Variants in MAML3 observed in about 807,000 individuals in gnomAD.
MAML3 encodes mastermind like transcriptional coactivator 3, also known as mastermind-like protein 3.
MAML3 carries 27 observed loss-of-function variants against 101.9 expected under a neutral mutation model. The ratio of observed to expected loss-of-function variants is 0.27; its 90% confidence interval spans 0.20 to 0.37. The LOEUF (loss-of-function observed/expected upper bound fraction) is 0.37, where lower values mean the gene tolerates loss of function less well. Ranked by LOEUF, MAML3 falls within the 10% of genes least tolerant of loss-of-function variation. The pLI, the probability that MAML3 is intolerant of heterozygous loss-of-function variation, is 1.00. For synonymous variants in MAML3, 501 were observed against 555.9 expected (o/e 0.90, Z 1.39); for missense variants, 1,316 against 1,444.9 (o/e 0.91, Z 1.45).
chr4:140,152,092 C>G (rs1433657313), intron 1 of MAML3, among the ~76,000 whole-genome samples: 1 of 152,198 alleles, frequency 6.6e-6, no homozygotes, highest in African/African-American at 2.4e-5. Context: ...CCTCCCGCCC[C>G]CTCCAGGCCG....
intron 2 of MAML3, among the ~76,000 whole-genome samples, chr4:139,860,222 G>A (rs1303959058): frequency 6.6e-6 from 1 of 152,226 alleles, no homozygotes; most frequent in African/African-American, 2.4e-5. Flanking sequence ...CGGATCCTGC[G>A]TTCACCAGCG....
chr4:139,790,307 TAC>T (rs1730385716), intron 2 of MAML3, among the ~76,000 whole-genome samples: 1 of 147,786 alleles, frequency 6.8e-6, no homozygotes, highest in African/African-American at 2.5e-5. Flanking sequence ...ATAATATATA[TAC>T]CTTGCCAAAT....
chr4:139,765,542 A>G (rs1412232792), intron 2 of MAML3, among the ~76,000 whole-genome samples: 1 of 152,236 alleles, frequency 6.6e-6, no homozygotes, highest in Non-Finnish European at 1.5e-5. Flanking sequence ...TCAGCCTCTG[A>G]AGTATTTTAA....
At chr4:139,902,269 A>G (rs201536791) in intron 1 of MAML3, among the ~76,000 whole-genome samples, 945 of 68,510 alleles carry the variant, frequency 0.014, 9 homozygotes, top group South Asian at 0.066. Flanking sequence ...ACACGCACAC[A>G]CACACGCACA....
At chr4:139,777,305 C>T (rs1488757330) in intron 2 of MAML3, among the ~76,000 whole-genome samples, 2 of 152,170 alleles carry the variant, frequency 1.3e-5, no homozygotes, top group Non-Finnish European at 2.9e-5. Context: ...CTGTGTTGGC[C>T]AAGTAAACAT....
intron 1 of MAML3, among the ~76,000 whole-genome samples, chr4:140,020,158 G>T (rs758241676): frequency 3.9e-5 from 6 of 152,074 alleles, no homozygotes; most frequent in Non-Finnish European, 8.8e-5. Context: ...GTATTACAAT[G>T]GTCATTACCT....
chr4:139,920,801 G>A (rs72712530), intron 1 of MAML3, among the ~76,000 whole-genome samples: 2,977 of 152,274 alleles, frequency 0.02, 47 homozygotes, highest in Non-Finnish European at 0.029. Context: ...TCCGCAGGAT[G>A]ACTGTCTGGG....
chr4:140,109,843 C>G (rs1052806199), intron 1 of MAML3, among the ~76,000 whole-genome samples: 1 of 152,204 alleles, frequency 6.6e-6, no homozygotes, highest in Non-Finnish European at 1.5e-5. Context: ...ATCCATGATC[C>G]CATGCCCTGG....
intron 2 of MAML3, among the ~76,000 whole-genome samples, chr4:139,817,029 C>T (rs950396700): frequency 6.6e-6 from 1 of 152,106 alleles, no homozygotes; most frequent in Non-Finnish European, 1.5e-5. Flanking sequence ...GTGTACAACA[C>T]AGGCTAGGTG....
chr4:140,065,886 G>A (rs950708297), intron 1 of MAML3, among the ~76,000 whole-genome samples: 2 of 152,246 alleles, frequency 1.3e-5, no homozygotes, highest in Admixed American at 6.5e-5. Context: ...CCACAGCACC[G>A]CTCCTGGCAT....
intron 1 of MAML3, among the ~76,000 whole-genome samples, chr4:140,092,978 G>A (rs983674366): frequency 3.3e-5 from 5 of 152,202 alleles, no homozygotes; most frequent in African/African-American, 1.2e-4. Flanking sequence ...AGTAGAGGAA[G>A]TGGCAAGGAT....
intron 1 of MAML3, among the ~76,000 whole-genome samples, chr4:140,095,752 C>T (rs1052050193): frequency 2.0e-5 from 3 of 152,124 alleles, no homozygotes; most frequent in Non-Finnish European, 4.4e-5. Context: ...GCAGCAGGGA[C>T]CTGCACTGGT....
intron 1 of MAML3, among the ~76,000 whole-genome samples, chr4:139,892,635 T>G (rs1222910912): frequency 6.6e-6 from 1 of 151,272 alleles, no homozygotes; most frequent in Non-Finnish European, 1.5e-5. Context: ...CTGCCTTTCT[T>G]GTGTATAACT....
chr4:140,084,882 C>A (rs1056963721), intron 1 of MAML3, among the ~76,000 whole-genome samples: 4 of 152,032 alleles, frequency 2.6e-5, no homozygotes, highest in Non-Finnish European at 4.4e-5. Flanking sequence ...AAAATACTAC[C>A]TTTTTTTCCC....
chr4:140,129,380 T>TC (rs564272805), intron 1 of MAML3, among the ~76,000 whole-genome samples: 1 of 151,984 alleles, frequency 6.6e-6, no homozygotes, highest in Admixed American at 6.6e-5. Flanking sequence ...TGACTCTAAA[T>TC]CCCCCCTACC....
chr4:139,995,561 G>A (rs1474298833), intron 1 of MAML3, among the ~76,000 whole-genome samples: 1 of 151,950 alleles, frequency 6.6e-6, no homozygotes, highest in African/African-American at 2.4e-5. Flanking sequence ...AGTCAGTTTT[G>A]GTGATGTGTA....
intron 1 of MAML3, among the ~76,000 whole-genome samples, chr4:139,984,557 C>T (rs1734501234): frequency 6.6e-6 from 1 of 152,154 alleles, no homozygotes; most frequent in Admixed American, 6.5e-5. Context: ...TACTTTGCTC[C>T]TACTCTTTCA....
intron 1 of MAML3, among the ~76,000 whole-genome samples, chr4:140,124,646 A>G (rs2111030427): frequency 6.6e-6 from 1 of 152,360 alleles, no homozygotes; most frequent in East Asian, 1.9e-4. Flanking sequence ...AAAAAGCAGG[A>G]ACAGCTAGAA....
chr4:139,755,361 CG>C (rs1311881258), intron 2 of MAML3, among the ~76,000 whole-genome samples: 2 of 152,202 alleles, frequency 1.3e-5, no homozygotes, highest in Non-Finnish European at 2.9e-5. Context: ...CCAGCACAGG[CG>C]TGCTGGGAGG....
Sources: allele counts gnomAD v4.1 joint callset (sites outside exome capture counted in the v4.1 genomes callset), GRCh38; gene constraint gnomAD v4.1.1; transcripts MANE v1.5; gene names NCBI Gene and HGNC (gene_info 2026-07-23, HGNC 2026-07-21).